MAGI2: variants seen among roughly 807,000 people sequenced by gnomAD.
MAGI2 encodes membrane-associated guanylate kinase, WW and PDZ domain-containing protein 2.
MAGI2 carries 35 observed loss-of-function variants against 133.3 expected under a neutral mutation model. The observed-to-expected ratio is 0.26, with a 90% CI of 0.20 to 0.35. MAGI2 has a LOEUF of 0.35. MAGI2 is among the 10% of genes least tolerant of loss of function. MAGI2 has a pLI of 1.00. For synonymous variants in MAGI2, 729 were observed against 710.6 expected (o/e 1.03, Z -0.41); for missense variants, 1,636 against 1,863.4 (o/e 0.88, Z 2.25).
intron 7 of MAGI2, among the ~76,000 whole-genome samples, chr7:78,359,692 T>A (rs1160548419): frequency 1.3e-5 from 2 of 152,324 alleles, no homozygotes; most frequent in East Asian, 3.9e-4. Flanking sequence ...GTAATATATG[T>A]TACTGTCCAA....
At chr7:79,138,757 G>C (rs1821835915) in intron 1 of MAGI2, among the ~76,000 whole-genome samples, 1 of 152,138 alleles carries the variant, frequency 6.6e-6, no homozygotes, top group Non-Finnish European at 1.5e-5. Context: ...ACCTAACCCA[G>C]CACTGTGGGA....
chr7:79,091,044 T>C (rs1483534719), intron 1 of MAGI2, among the ~76,000 whole-genome samples: 1 of 152,092 alleles, frequency 6.6e-6, no homozygotes, highest in East Asian at 1.9e-4. Context: ...CATTACACCT[T>C]AGTGCTGCGA....
chr7:78,625,199 T>C (rs1808212322), intron 3 of MAGI2, among the ~76,000 whole-genome samples: 1 of 152,078 alleles, frequency 6.6e-6, no homozygotes, highest in South Asian at 2.1e-4. Context: ...CATTTAAAAA[T>C]ACTATAAAAT....
In MAGI2 at chr7:79,108,073, A is replaced by G. The variant is rs1818589760; in HGVS notation, c.302-100867T>C. Among the ~76,000 whole-genome samples, 3 of 152,202 alleles carry G rather than the reference A, an allele frequency of 2.0e-5. No homozygotes were observed. The South Asian group carries it at 6.2e-4, about 32-fold the overall frequency. ...GTTTCAAAGAAATAGAGCAATTCTC[A>G]ACATCAGAGAGTGTTTAGGGAAGGA... On this transcript the variant is annotated intron_variant, in intron 1 of 21. Coordinates refer to ENST00000354212, the MANE Select transcript of MAGI2 (RefSeq NM_012301.4).
At chr7:79,308,296 T>C (rs1203602031) in intron 1 of MAGI2, among the ~76,000 whole-genome samples, 1 of 152,178 alleles carries the variant, frequency 6.6e-6, no homozygotes, top group Non-Finnish European at 1.5e-5. Flanking sequence ...AAATAGATTC[T>C]GCTCTTTCTC....
intron 6 of MAGI2, among the ~76,000 whole-genome samples, chr7:78,392,485 A>C (rs1015551260): frequency 1.3e-5 from 2 of 152,144 alleles, no homozygotes; most frequent in Non-Finnish European, 2.9e-5. Flanking sequence ...ATAAGAGAAA[A>C]GACTGTATAT....
chr7:79,082,765 A>AT (rs1242391448), intron 1 of MAGI2, among the ~76,000 whole-genome samples: 2 of 151,872 alleles, frequency 1.3e-5, no homozygotes, highest in African/African-American at 2.4e-5. Context: ...TTTGATAGTG[A>AT]TTTTATTGAA....
intron 2 of MAGI2, among the ~76,000 whole-genome samples, chr7:78,656,524 G>C (rs1812295414): frequency 1.3e-5 from 2 of 152,086 alleles, no homozygotes; most frequent in African/African-American, 4.8e-5. Flanking sequence ...TACTCTACCA[G>C]GGGCAGGGTA....
chr7:79,116,024 A>C (rs185573928), intron 1 of MAGI2, among the ~76,000 whole-genome samples: 10 of 152,136 alleles, frequency 6.6e-5, no homozygotes, highest in African/African-American at 2.4e-4. Flanking sequence ...CTACAGAACC[A>C]CTCAGCAGCG....
chr7:78,041,059 A>G (rs1194925975), intron 21 of MAGI2, among the ~76,000 whole-genome samples: 1 of 152,036 alleles, frequency 6.6e-6, no homozygotes, highest in Non-Finnish European at 1.5e-5. Flanking sequence ...AGTACCAAAG[A>G]CCACATCTGA....
At chr7:78,514,889 A>G (rs1014283446) in intron 4 of MAGI2, among the ~76,000 whole-genome samples, 4 of 152,106 alleles carry the variant, frequency 2.6e-5, no homozygotes, top group Non-Finnish European at 5.9e-5. Context: ...GATGCAGTTC[A>G]TTTGCACTAA....
intron 1 of MAGI2, among the ~76,000 whole-genome samples, chr7:79,053,601 A>G (rs1367347863): frequency 6.6e-6 from 1 of 152,198 alleles, no homozygotes; most frequent in Non-Finnish European, 1.5e-5. Flanking sequence ...TATGGAATGT[A>G]TCCTAAGTAT....
At chr7:78,060,252 C>A (rs1033644977) in intron 21 of MAGI2, among the ~76,000 whole-genome samples, 1 of 115,748 alleles carries the variant, frequency 8.6e-6, no homozygotes, top group African/African-American at 3.5e-5. Flanking sequence ...GGACCCCCCC[C>A]CCTCTTTAGA....
chr7:78,474,123 T>A (rs566452422), intron 6 of MAGI2, among the ~76,000 whole-genome samples: 1 of 152,098 alleles, frequency 6.6e-6, no homozygotes, highest in Admixed American at 6.6e-5. Flanking sequence ...TCAGACACTA[T>A]CCCATATGCT....
chr7:78,601,935 A>T (rs1805249934), intron 3 of MAGI2, among the ~76,000 whole-genome samples: 1 of 152,198 alleles, frequency 6.6e-6, no homozygotes, highest in Non-Finnish European at 1.5e-5. Flanking sequence ...TGAGTCAGGC[A>T]AGCCAGAGTC....
At chr7:78,818,773 A>G (rs530396516) in intron 2 of MAGI2, among the ~76,000 whole-genome samples, 43 of 152,018 alleles carry the variant, frequency 2.8e-4, no homozygotes, top group Non-Finnish European at 4.9e-4. Flanking sequence ...CTTTCAATCA[A>G]TCTTATCCTT....
chr7:78,203,652 T>A (rs1166499095), intron 10 of MAGI2, among the ~76,000 whole-genome samples: 1 of 152,194 alleles, frequency 6.6e-6, no homozygotes, highest in African/African-American at 2.4e-5. Flanking sequence ...TCTGAATTAT[T>A]GTTAAAAAGA....
intron 2 of MAGI2, among the ~76,000 whole-genome samples, chr7:78,689,037 G>A (rs1403228202): frequency 1.3e-5 from 2 of 152,024 alleles, no homozygotes; most frequent in East Asian, 1.9e-4. Context: ...ACTGTCAATT[G>A]GAGTTTTCTA....
intron 1 of MAGI2, among the ~76,000 whole-genome samples, chr7:79,342,347 C>T (rs1036969239): frequency 3.9e-5 from 6 of 152,134 alleles, no homozygotes; most frequent in Non-Finnish European, 7.4e-5. Context: ...GTTAGAGCCT[C>T]AGTAAAAGAA....
Sources: allele counts gnomAD v4.1 joint callset (sites outside exome capture counted in the v4.1 genomes callset), GRCh38; gene constraint gnomAD v4.1.1; transcripts MANE v1.5; gene names NCBI Gene and HGNC (gene_info 2026-07-23, HGNC 2026-07-21).